Variants in ASRGL1 observed in about 807,000 individuals in gnomAD.
ASRGL1 encodes asparaginase and isoaspartyl peptidase 1, also known as isoaspartyl peptidase/L-asparaginase.
In ASRGL1, 16 loss-of-function variants were observed where a neutral mutation model predicts 22.4. The ratio of observed to expected loss-of-function variants is 0.71; its 90% CI spans 0.48 to 1.08. ASRGL1 has a LOEUF of 1.08. ASRGL1 is among the 50% of genes least tolerant of loss of function. ASRGL1 has a pLI of 0.00. For synonymous variants in ASRGL1, 165 were observed against 159.3 expected (o/e 1.04, Z -0.27); for missense variants, 412 against 410.1 (o/e 1.00, Z -0.04).
intron 4 of ASRGL1, among the ~76,000 whole-genome samples, chr11:62,365,143 A>G (rs949957667): frequency 5.9e-5 from 9 of 152,156 alleles, no homozygotes; most frequent in Admixed American, 6.5e-5. Context: ...GAGTGGGAGA[A>G]ATGGGAAGGT....
At chr11:62,341,960 ATTAAT>A (rs1423096042) in intron 2 of ASRGL1, among the ~76,000 whole-genome samples, 1 of 152,212 alleles carries the variant, frequency 6.6e-6, no homozygotes, top group Non-Finnish European at 1.5e-5. Context: ...GTATTCGAAC[ATTAAT>A]TTATTTTATT....
the ASRGL1 span, among the ~76,000 whole-genome samples, chr11:62,398,673 G>A: frequency 2.0e-5 from 3 of 151,868 alleles, no homozygotes; most frequent in African/African-American, 7.3e-5. Flanking sequence ...GCCCACTCCC[G>A]CTAGCGGCGG....
chr11:62,384,029 T>TAC (rs920549645), intron 4 of ASRGL1, among the ~76,000 whole-genome samples: 1 of 135,404 alleles, frequency 7.4e-6, no homozygotes, highest in Non-Finnish European at 1.6e-5. Flanking sequence ...TGTGTGCACG[T>TAC]GTGTGCGTGT....
At position 62,384,093 on chromosome 11, in the gene ASRGL1, C is replaced by A. The variant is rs923429409; in HGVS notation, c.492-5040C>A. 1.3e-4 allele frequency among the ~76,000 whole-genome samples: 20 copies of A among 151,396 alleles called. 1 individual carries two copies. The highest frequency in any genetic ancestry group is 4.9e-4 in the African/African-American group (20 of 41,124). ...CCATCACCAGCCGATTAACAAATGA[C>A]CCTGGTATGCACAATAATAACTAAG... On this transcript the variant is annotated intron_variant, in intron 4 of 6. Transcript: ENST00000415229.
chr11:62,351,196 A>C (rs1946158507), intron 2 of ASRGL1, among the ~76,000 whole-genome samples: 2 of 152,312 alleles, frequency 1.3e-5, no homozygotes, highest in Middle Eastern at 3.4e-3. Flanking sequence ...TAATTGTCTT[A>C]AATATTTCCA....
intron 2 of ASRGL1, among the ~76,000 whole-genome samples, chr11:62,347,610 C>A (rs66605721): frequency 0.29 from 42,916 of 145,770 alleles, 6,161 homozygotes; most frequent in South Asian, 0.39. Flanking sequence ...ACCCAATCTT[C>A]GGTTGAAAAT....
At chr11:62,365,515 C>G (rs374179031) in intron 4 of ASRGL1, among the ~76,000 whole-genome samples, 1 of 152,032 alleles carries the variant, frequency 6.6e-6, no homozygotes, top group African/African-American at 2.4e-5. Context: ...GATCACGCCA[C>G]TGCACTCCAG....
intron 4 of ASRGL1, among the ~76,000 whole-genome samples, chr11:62,380,266 A>G (rs1008639353): frequency 6.6e-6 from 1 of 152,066 alleles, no homozygotes; most frequent in South Asian, 2.1e-4. Context: ...GCGTTTCCAT[A>G]TGCCATCAAC....
At chr11:62,360,096 A>G (rs1460174136) in intron 4 of ASRGL1, among the ~76,000 whole-genome samples, 2 of 149,434 alleles carry the variant, frequency 1.3e-5, no homozygotes, top group African/African-American at 4.9e-5. Flanking sequence ...CAGTGGCACG[A>G]TCTCGGCTTA....
intron 4 of ASRGL1, among the ~76,000 whole-genome samples, chr11:62,367,316 C>T (rs1052179397): frequency 8.1e-5 from 12 of 149,032 alleles, no homozygotes; most frequent in Non-Finnish European, 1.3e-4. Flanking sequence ...CCAGCCTGGG[C>T]GACAGAGTGA....
intron 4 of ASRGL1, among the ~76,000 whole-genome samples, chr11:62,363,538 A>G (rs893318435): frequency 6.6e-6 from 1 of 152,228 alleles, no homozygotes; most frequent in African/African-American, 2.4e-5. Context: ...ATTTATCTGC[A>G]TAGACCTAGA....
At chr11:62,340,953 A>G (rs182813539) in intron 2 of ASRGL1, among the ~76,000 whole-genome samples, 4 of 152,314 alleles carry the variant, frequency 2.6e-5, no homozygotes, top group East Asian at 3.9e-4. Context: ...TTTACATTCT[A>G]TTCCTGTTTC....
intron 4 of ASRGL1, among the ~76,000 whole-genome samples, chr11:62,374,369 C>T (rs1392671470): frequency 6.6e-6 from 1 of 152,128 alleles, no homozygotes; most frequent in Non-Finnish European, 1.5e-5. Context: ...TGCCTGGACC[C>T]AAGAGAGGCA....
intron 4 of ASRGL1, chr11:62,371,261 G>A: frequency 1.5e-6 from 2 of 1,343,002 alleles, no homozygotes; most frequent in Non-Finnish European, 1.9e-6. Context: ...GAGCGCTGCA[G>A]TAGCAGCAGT....
chr11:62,364,014 C>A lies in ASRGL1; in HGVS notation c.491+6870C>A, dbSNP rs185911020. Among the ~76,000 whole-genome samples, 410 of 151,884 alleles carry A rather than the reference C, an allele frequency of 2.7e-3. 2 individuals carry two copies. The highest frequency in any genetic ancestry group is 4.4e-3 in the Non-Finnish European group (296 of 67,966). ...TCTACTAAAAAATACAAAAAATCAGCCAGGCGTGGCAGTGTGCACCTGTAG... is the reference window on the plus strand; with the variant it reads ...TCTACTAAAAAATACAAAAAATCAGACAGGCGTGGCAGTGTGCACCTGTAG... On this transcript the variant is annotated intron_variant, in intron 4 of 6. Transcript: ENST00000415229.
the ASRGL1 span, among the ~76,000 whole-genome samples, chr11:62,399,480 T>C: frequency 6.6e-6 from 1 of 152,194 alleles, no homozygotes; most frequent in East Asian, 1.9e-4. Flanking sequence ...GTGCCAGCTC[T>C]ACAGTGGCCT....
chr11:62,393,522 G>A (rs1947390208), downstream of ASRGL1: 1 of 152,174 alleles, frequency 6.6e-6, no homozygotes, highest in South Asian at 2.1e-4. Context: ...TGTGGAGGGT[G>A]ATATGTGCCA....
At position 62,357,913 on chromosome 11, in the gene ASRGL1, C is replaced by G. The variant is rs187903193; in HGVS notation, c.491+769C>G. On this transcript the variant is annotated intron_variant, in intron 4 of 6. Transcript: ENST00000415229. ...TAATGATATTTAATCAGAGGTATAC[C>G]TTGTATCACCTAGGGAGCTTTTTCA... Among the ~76,000 whole-genome samples the G allele has an allele frequency of 4.4e-3, 667 of 152,164 alleles. 5 individuals are homozygous for G. Among genetic ancestry groups the G allele is most frequent in the Non-Finnish European group, 6.5e-3 (444 of 68,014 alleles).
At chr11:62,378,020 T>A (rs1369224536) in intron 4 of ASRGL1, among the ~76,000 whole-genome samples, 1 of 152,174 alleles carries the variant, frequency 6.6e-6, no homozygotes, top group Admixed American at 6.5e-5. Flanking sequence ...GGAGTGAATA[T>A]TCTTTTACTA....
Sources: allele counts gnomAD v4.1 joint callset (sites outside exome capture counted in the v4.1 genomes callset), GRCh38; gene constraint gnomAD v4.1.1; transcripts MANE v1.5; gene names NCBI Gene and HGNC (gene_info 2026-07-23, HGNC 2026-07-21).